Variants in CD99L2 observed in about 807,000 individuals in gnomAD.
CD99L2 encodes CD99 antigen-like protein 2.
In CD99L2, 24 loss-of-function variants were observed where a neutral mutation model predicts 27.3. The observed-to-expected ratio is 0.88, with a 90% CI of 0.64 to 1.24. The LOEUF is 1.24. Among genes scored for constraint, CD99L2 ranks in the 50% most tolerant of loss-of-function variants. CD99L2 has a pLI of 0.00. For missense variants in CD99L2, 255 were observed against 221.6 expected, an observed-to-expected ratio of 1.15 and a Z score of -0.96; for synonymous variants, 97 against 87.9, an observed-to-expected ratio of 1.10 and a Z score of -0.58.
In CD99L2 at chrX:150,783,432, G is replaced by A. The variant is rs782691363; in HGVS notation, c.497-5950C>T. On this transcript the variant is annotated intron_variant, in intron 7 of 10. Transcript: ENST00000370377. Reference sequence around the variant, plus strand: ...AACCCTGTGAACTACAAGTGAGGGCGTTCACGCTTCACACTTGGGGACATC... The same window carrying A: ...AACCCTGTGAACTACAAGTGAGGGCATTCACGCTTCACACTTGGGGACATC... Among the ~76,000 whole-genome samples, 5 of 111,197 alleles carry A rather than the reference G, an allele frequency of 4.5e-5. No individual in the cohort carries two copies. The East Asian group carries it at 8.5e-4, about 19-fold the overall frequency.
rs955589678 is a variant in CD99L2 at position 150,856,227 on chromosome X, C to T, written c.68-24934G>A. 2.7e-4 allele frequency among the ~76,000 whole-genome samples: 31 copies of T among 112,897 alleles called. 1 individual carries two copies. The highest frequency in any genetic ancestry group is 2.1e-3 in the Admixed American group (22 of 10,730). ...CTCTAGGAAGCCTCAGCCCACCCCA[C>T]CAGACAGAGGACAATTTCCTCCTGT... On this transcript the variant is annotated intron_variant, in intron 1 of 10. Coordinates refer to ENST00000370377, the MANE Select transcript of CD99L2 (RefSeq NM_031462.4).
chrX:150,886,526 G>A (rs976378878), intron 1 of CD99L2, among the ~76,000 whole-genome samples: 2 of 112,571 alleles, frequency 1.8e-5, no homozygotes, highest in Non-Finnish European at 3.8e-5. Context: ...GCTTACGTAA[G>A]TACACTCCAT....
At chrX:150,843,055 G>A (rs1278927942) in intron 1 of CD99L2, among the ~76,000 whole-genome samples, 1 of 112,535 alleles carries the variant, frequency 8.9e-6, no homozygotes, top group African/African-American at 3.2e-5. Context: ...CATGCCAAGA[G>A]CAAGCATCTC....
At chrX:150,855,499 A>G (rs1302690900) in intron 1 of CD99L2, among the ~76,000 whole-genome samples, 1 of 111,006 alleles carries the variant, frequency 9.0e-6, no homozygotes, top group African/African-American at 3.3e-5. Flanking sequence ...AGTGCCACAC[A>G]CTTTTAAACC....
chrX:150,808,411 C>T (rs886569807), intron 4 of CD99L2, among the ~76,000 whole-genome samples: 17 of 112,243 alleles, frequency 1.5e-4, no homozygotes, highest in Non-Finnish European at 9.4e-5. Context: ...TAGCATGAAC[C>T]GAGGCAGTGG....
chrX:150,773,014 A>G (rs1312794454), intron 9 of CD99L2, among the ~76,000 whole-genome samples: 1 of 112,639 alleles, frequency 8.9e-6, no homozygotes, highest in African/African-American at 3.2e-5. Context: ...TTTAGGAAAT[A>G]AGCATGAAAA....
chrX:150,778,635 T>C (rs1279561218), intron 7 of CD99L2, among the ~76,000 whole-genome samples: 3 of 103,416 alleles, frequency 2.9e-5, no homozygotes, highest in African/African-American at 1.1e-4. Flanking sequence ...AACTCATCAT[T>C]TACATTAGGG....
intron 9 of CD99L2, 133 bp downstream of exon 9, chrX:150,776,041 A>AC (rs1557419246): frequency 1.1e-6 from 1 of 869,977 alleles, no homozygotes; most frequent in African/African-American, 2.2e-5. Flanking sequence ...TGTTGCCTCC[A>AC]CCCCCGTCCC....
chrX:150,861,420 A>G (rs1468311376), intron 1 of CD99L2, among the ~76,000 whole-genome samples: 1 of 111,926 alleles, frequency 8.9e-6, no homozygotes, highest in African/African-American at 3.3e-5. Flanking sequence ...AGACACGTAG[A>G]CCAATGGAAC....
At chrX:150,823,970 T>A (rs782580792) in intron 2 of CD99L2, among the ~76,000 whole-genome samples, 229 of 104,353 alleles carry the variant, frequency 2.2e-3, no homozygotes, top group African/African-American at 7.9e-3. Context: ...CGAGACCCTG[T>A]CTCATTTGTA....
chrX:150,816,568 A>G (rs992812013), intron 2 of CD99L2: 2 of 124,877 alleles, frequency 1.6e-5, no homozygotes, highest in Admixed American at 7.7e-5. Context: ...AATATTTTAT[A>G]TAAGTGTAGA....
chrX:150,810,894 C>G (rs782580764), intron 4 of CD99L2, among the ~76,000 whole-genome samples: 3 of 111,516 alleles, frequency 2.7e-5, no homozygotes, highest in Non-Finnish European at 5.7e-5. Context: ...ACTATTGAAG[C>G]TGACTCAAGA....
Position 150,824,177 on chromosome X carries a change from AAGG to A in CD99L2, c.130+7051_130+7053del, listed in dbSNP as rs1286633969. On this transcript the variant is annotated intron_variant, in intron 2 of 10. Coordinates refer to ENST00000370377, the MANE Select transcript of CD99L2 (RefSeq NM_031462.4). ...GGAGGAGGAGGAGGAGGAGGAGGAG[AAGG>A]AGGAGGAGGAAGAAGAAGAGGAGGA... Among the ~76,000 whole-genome samples, 8 of 12,465 alleles carry A rather than the reference AAGG, an allele frequency of 6.4e-4. 2 individuals are homozygous for A. Among genetic ancestry groups the A allele is most frequent in the African/African-American group, 1.3e-3 (8 of 5,983 alleles). The allele number at this position is 12,465 out of a possible 115,157, so 10.8% of individuals were successfully genotyped here.
At chrX:150,783,157 T>G (rs868971949) in intron 7 of CD99L2, among the ~76,000 whole-genome samples, 8 of 2,612 alleles carry the variant, frequency 3.1e-3, no homozygotes, top group Non-Finnish European at 4.7e-3. Context: ...GGTAGGGGGG[T>G]AGGGGGCTTG....
intron 1 of CD99L2, among the ~76,000 whole-genome samples, chrX:150,889,780 TA>T (rs1414047477): frequency 5.3e-5 from 6 of 112,762 alleles, no homozygotes; most frequent in African/African-American, 1.9e-4. Context: ...AGAAAACTAA[TA>T]AAAACAAAGC....
intron 9 of CD99L2, among the ~76,000 whole-genome samples, chrX:150,774,719 G>A (rs781983420): frequency 1.0e-3 from 113 of 112,253 alleles, no homozygotes; most frequent in African/African-American, 3.6e-3. Flanking sequence ...TTCCCCCGCC[G>A]CGCTAAATGC....
At chrX:150,849,635 C>A (rs1451785761) in intron 1 of CD99L2, among the ~76,000 whole-genome samples, 1 of 111,653 alleles carries the variant, frequency 9.0e-6, no homozygotes, top group Non-Finnish European at 1.9e-5. Flanking sequence ...TGAGCCATGA[C>A]CGCACCACTG....
At chrX:150,801,920 A>C (rs984703255) in intron 4 of CD99L2, among the ~76,000 whole-genome samples, 3 of 112,115 alleles carry the variant, frequency 2.7e-5, no homozygotes, top group African/African-American at 9.7e-5. Flanking sequence ...CATAAAGAAC[A>C]TCTAGAAAAC....
At chrX:150,831,537 A>AG (rs1432567909) in intron 1 of CD99L2, among the ~76,000 whole-genome samples, 1 of 111,493 alleles carries the variant, frequency 9.0e-6, no homozygotes, top group African/African-American at 3.3e-5. Flanking sequence ...TATAAGTGGG[A>AG]CTAAATGATG....
Sources: allele counts gnomAD v4.1 joint callset (sites outside exome capture counted in the v4.1 genomes callset), GRCh38; gene constraint gnomAD v4.1.1; transcripts MANE v1.5; gene names NCBI Gene and HGNC (gene_info 2026-07-23, HGNC 2026-07-21).